The following CDH12 variants were observed in gnomAD, a reference collection of about 807,000 sequenced individuals.
CDH12 encodes the protein cadherin-12.
A neutral mutation model predicts 74.1 loss-of-function variants in CDH12; 41 were observed. That is an observed-to-expected ratio of 0.55 (90% CI 0.43 to 0.72). The LOEUF (loss-of-function observed/expected upper bound fraction) is 0.72. Among genes scored for constraint, CDH12 ranks in the 30% least tolerant of loss-of-function variants. The pLI, the probability that CDH12 is intolerant of heterozygous loss-of-function variation, is 0.00. For missense variants in CDH12, 945 were observed against 977.2 expected (o/e 0.97, Z 0.44); for synonymous variants, 399 against 355.0 (o/e 1.12, Z -1.39).
At chr5:22,746,866 A>G (rs576871581) in intron 1 of CDH12, among the ~76,000 whole-genome samples, 2 of 152,368 alleles carry the variant, frequency 1.3e-5, no homozygotes, top group South Asian at 2.1e-4. Flanking sequence ...ACTGGAAAAG[A>G]CAAAAGTATA....
At chr5:21,946,804 G>T (rs114300167) in intron 6 of CDH12, among the ~76,000 whole-genome samples, 1 of 152,096 alleles carries the variant, frequency 6.6e-6, no homozygotes, top group East Asian at 1.9e-4. Flanking sequence ...CTACTGCATT[G>T]CCAGTTATAA....
chr5:21,956,273 G>A (rs1756092072), intron 6 of CDH12, among the ~76,000 whole-genome samples: 1 of 151,606 alleles, frequency 6.6e-6, no homozygotes, highest in Non-Finnish European at 1.5e-5. Context: ...TGTAAAAAAT[G>A]AAAATTAATG....
intron 6 of CDH12, among the ~76,000 whole-genome samples, chr5:21,872,796 ATC>A (rs1367837274): frequency 7.0e-6 from 1 of 142,200 alleles, no homozygotes; most frequent in African/African-American, 2.8e-5. Context: ...CTATCTATCT[ATC>A]TATCTATCTA....
intron 1 of CDH12, among the ~76,000 whole-genome samples, chr5:22,756,788 C>A (rs1054086553): frequency 2.6e-5 from 4 of 151,888 alleles, no homozygotes; most frequent in Non-Finnish European, 5.9e-5. Context: ...GGTGAAACCC[C>A]GTCTCTACTA....
intron 3 of CDH12, among the ~76,000 whole-genome samples, chr5:22,390,203 G>T (rs1742181862): frequency 6.6e-6 from 1 of 152,086 alleles, no homozygotes; most frequent in African/African-American, 2.4e-5. Context: ...TATTATGAGA[G>T]TAGGCTAAGG....
intron 3 of CDH12, among the ~76,000 whole-genome samples, chr5:22,275,607 TA>T (rs1218634192): frequency 1.1e-4 from 17 of 152,274 alleles, no homozygotes; most frequent in African/African-American, 2.4e-4. Flanking sequence ...AAATAAGGCT[TA>T]AAAAATATTT....
At chr5:21,924,863 T>C (rs567886984) in intron 6 of CDH12, among the ~76,000 whole-genome samples, 1 of 152,314 alleles carries the variant, frequency 6.6e-6, no homozygotes, top group Non-Finnish European at 1.5e-5. Context: ...GAATTTTCCA[T>C]TGATACTAGA....
At chr5:22,396,633 A>C (rs1379430998) in intron 3 of CDH12, among the ~76,000 whole-genome samples, 1 of 152,128 alleles carries the variant, frequency 6.6e-6, no homozygotes, top group Non-Finnish European at 1.5e-5. Context: ...AGTTAGTATA[A>C]AACATGCAGT....
At chr5:22,822,273 A>C (rs1330689966) in intron 1 of CDH12, among the ~76,000 whole-genome samples, 2 of 152,228 alleles carry the variant, frequency 1.3e-5, no homozygotes, top group Admixed American at 1.3e-4. Context: ...TAAAACCATA[A>C]AAATCCTAGA....
chr5:22,745,104 A>G (rs7713039), intron 1 of CDH12, among the ~76,000 whole-genome samples: 151,426 of 151,770 alleles, frequency 1, 75,541 homozygotes, highest in East Asian at 1. Flanking sequence ...TAGTTATACC[A>G]CAATGAAACA....
At chr5:22,027,566 T>C (rs918857335) in intron 5 of CDH12, among the ~76,000 whole-genome samples, 3 of 152,216 alleles carry the variant, frequency 2.0e-5, no homozygotes, top group African/African-American at 7.2e-5. Context: ...TCGAGGAATT[T>C]ATCCATTTCT....
chr5:22,057,115 G>A (rs906129897), intron 5 of CDH12, among the ~76,000 whole-genome samples: 1 of 152,122 alleles, frequency 6.6e-6, no homozygotes, highest in Non-Finnish European at 1.5e-5. Flanking sequence ...AGCATTTTAG[G>A]TGTTATGAGT....
intron 1 of CDH12, among the ~76,000 whole-genome samples, chr5:22,622,095 T>C (rs1738003868): frequency 6.6e-6 from 1 of 152,174 alleles, no homozygotes; most frequent in Admixed American, 6.5e-5. Flanking sequence ...AAGGTTTTTA[T>C]ATCTATTACA....
At chr5:22,224,344 C>T (rs1209502909) in intron 3 of CDH12, among the ~76,000 whole-genome samples, 1 of 151,988 alleles carries the variant, frequency 6.6e-6, no homozygotes, top group Non-Finnish European at 1.5e-5. Context: ...TTGAGGCTAA[C>T]ATAAATTATG....
chr5:22,126,827 C>T (rs188611907), intron 4 of CDH12, among the ~76,000 whole-genome samples: 9 of 152,222 alleles, frequency 5.9e-5, no homozygotes, highest in African/African-American at 2.2e-4. Flanking sequence ...GGCTAATTAC[C>T]AAGATGTTAA....
chr5:22,316,685 T>G (rs574178580), intron 3 of CDH12, among the ~76,000 whole-genome samples: 2 of 152,256 alleles, frequency 1.3e-5, no homozygotes. Context: ...CCTAATTGTT[T>G]AATGTTTATG....
At chr5:21,768,908 C>A (rs1030101309) in intron 11 of CDH12, among the ~76,000 whole-genome samples, 2 of 151,860 alleles carry the variant, frequency 1.3e-5, no homozygotes, top group African/African-American at 4.8e-5. Context: ...ATTCCAGCAG[C>A]AAGTTATACA....
intron 2 of CDH12, among the ~76,000 whole-genome samples, chr5:22,428,445 A>ATG (rs536857435): frequency 0.016 from 2,402 of 150,528 alleles, 56 homozygotes; most frequent in African/African-American, 0.055. Flanking sequence ...ATATATATAT[A>ATG]TGTGTGTGTG....
chr5:22,824,287 TAA>T (rs1749888229), intron 1 of CDH12, among the ~76,000 whole-genome samples: 1 of 152,014 alleles, frequency 6.6e-6, no homozygotes, highest in Non-Finnish European at 1.5e-5. Context: ...CTCCCAAATA[TAA>T]TTCTCAAGCA....
Sources: allele counts gnomAD v4.1 joint callset (sites outside exome capture counted in the v4.1 genomes callset), GRCh38; gene constraint gnomAD v4.1.1; transcripts MANE v1.5; gene names NCBI Gene and HGNC (gene_info 2026-07-23, HGNC 2026-07-21).